Variants in TAS1R2 observed in about 807,000 individuals in gnomAD.
TAS1R2 encodes taste receptor type 1 member 2.
TAS1R2 carries 47 observed loss-of-function variants against 49.3 expected under a neutral mutation model. That is an observed-to-expected ratio of 0.95 (90% CI 0.75 to 1.22). The LOEUF (loss-of-function observed/expected upper bound fraction) is 1.22, where lower values mean the gene tolerates loss of function less well. Among genes scored for constraint, TAS1R2 ranks in the 50% most tolerant of loss-of-function variants. The pLI is 0.00. For missense variants in TAS1R2, 1,155 were observed against 1,122.1 expected (o/e 1.03, Z -0.42); for synonymous variants, 479 against 467.9 (o/e 1.02, Z -0.31).
In TAS1R2 at chr1:18,847,492, C is replaced by T. The variant is rs911875105; in HGVS notation, c.1467+1849G>A. 2.0e-5 allele frequency among the ~76,000 whole-genome samples: 3 copies of T among 152,210 alleles called. 1 individual carries two copies. In the South Asian group the frequency reaches 6.2e-4, roughly 32 times the overall value. On this transcript the variant is annotated intron_variant, in intron 4 of 5. Coordinates refer to ENST00000375371, the Ensembl canonical transcript of TAS1R2. ...CAGAAACTCACAGCATCAGGTACCT[C>T]TGCAACTGGGGATAGAGTGCTGTCG...
In TAS1R2 at chr1:18,840,241, C is replaced by T. The variant is rs753584355; in HGVS notation, c.1878G>A (p.Lys626=). The change falls in exon 6 of 6, where the codon AAG becomes AAA. Residue 626 remains lysine, a synonymous_variant. Coordinates refer to ENST00000375371, the Ensembl canonical transcript of TAS1R2. ...CCTGGCGGCAGAGGCAGGTGGAGAC[C>T]TTGGGCGGCCCCACGTACACCGGGA... 3 of 1,614,064 alleles carry T rather than the reference C, an allele frequency of 1.9e-6. No individual in the cohort carries two copies. In the Admixed American group the frequency reaches 5.0e-5, roughly 27 times the overall value.
At position 18,854,663 on chromosome 1, in the gene TAS1R2, C is replaced by G. The variant is rs202163137; in HGVS notation, c.807G>C (p.Ala269=). ...CGGGCGAGAACACGACCACGACGCG[C>G]GCTGTGCTCTGCTGCAGCTTGTCCA... Residue 269 remains alanine (A), a synonymous_variant, in exon 3 of 6, where the codon GCG becomes GCC. Coordinates refer to ENST00000375371, the Ensembl canonical transcript of TAS1R2. This position sits in a 1 kb window ranked among gnomAD's most constrained non-coding sequence, Gnocchi z 4.9. 6 of 1,614,028 alleles carry G rather than the reference C, an allele frequency of 3.7e-6. No individual in the cohort carries two copies. The highest frequency in any genetic ancestry group is 3.3e-5 in the South Asian group (3 of 91,076).
intron 4 of TAS1R2, among the ~76,000 whole-genome samples, chr1:18,845,603 T>C (rs1044177667): frequency 5.9e-5 from 9 of 152,242 alleles, no homozygotes; most frequent in African/African-American, 2.2e-4. Context: ...GGGTTCCTCA[T>C]GCCAGTGAAT....
intron 4 of TAS1R2, among the ~76,000 whole-genome samples, chr1:18,843,657 T>A (rs1933866993): frequency 6.6e-6 from 1 of 152,190 alleles, no homozygotes; most frequent in African/African-American, 2.4e-5. Context: ...TCTGATGATG[T>A]TTGAGTTATC....
rs764548657 is a variant in TAS1R2, at chr1:18,839,992, G to C, written c.2127C>G (p.Asp709Glu). The C allele has an allele frequency of 1.9e-6, 3 of 1,614,100 alleles. No individual in the cohort carries two copies. The African/African-American group carries it at 4.0e-5, about 22-fold the overall frequency. Residue 709 changes from aspartate to glutamate, a missense_variant, in exon 6 of 6, where the codon GAC (aspartate) becomes GAG (glutamate). Asp to Glu is a conservative substitution (Grantham distance 45). Transcript: ENST00000375371. ...CAATTGTGATCTTGGGGTCATCGGG[G>C]TCAGTACGGGTGGTGGGACTGAGGC...
chr1:18,858,352 T>C (rs1353579477), intron 1 of TAS1R2: 1 of 150,060 alleles, frequency 6.7e-6, no homozygotes, highest in East Asian at 2.0e-4. Flanking sequence ...ATCACCAGCA[T>C]CACTACCATC....
At chr1:18,842,880 G>A (rs537563252) in intron 4 of TAS1R2, among the ~76,000 whole-genome samples, 13 of 152,170 alleles carry the variant, frequency 8.5e-5, no homozygotes, top group Admixed American at 2.6e-4. Context: ...ACAAAAATGC[G>A]AATATACTTA....
intron 4 of TAS1R2, among the ~76,000 whole-genome samples, chr1:18,846,444 C>A (rs1933921663): frequency 6.6e-6 from 1 of 152,214 alleles, no homozygotes; most frequent in Admixed American, 6.5e-5. Context: ...GTCTCCCACT[C>A]CTGTTCCTGT....
At chr1:18,840,204 G>A (rs1417029349) in exon 6 of TAS1R2, 1 of 1,614,102 alleles carries the variant, frequency 6.2e-7, no homozygotes, top group Non-Finnish European at 8.5e-7. Context: ...GTGAAGCAGA[G>A]GGGAAAGAGG....
chr1:18,854,651 G>A lies in TAS1R2; in HGVS notation c.819C>T (p.Val273=), dbSNP rs570364874. The change falls in exon 3 of 6, where the codon GTC becomes GTT. Residue 273 remains valine (V), a synonymous_variant. Coordinates refer to ENST00000375371, the Ensembl canonical transcript of TAS1R2. The surrounding 1 kb of genome is among the most constrained non-coding windows in gnomAD (Gnocchi z 4.9). Reference sequence around the variant, plus strand: ...ACAGGGTCAGGTCGGGCGAGAACACGACCACGACGCGCGCTGTGCTCTGCT... The same window carrying A: ...ACAGGGTCAGGTCGGGCGAGAACACAACCACGACGCGCGCTGTGCTCTGCT... The A allele has an allele frequency of 2.3e-5, 37 of 1,613,990 alleles. No individual in the cohort carries two copies. The highest frequency in any genetic ancestry group is 1.2e-4 in the African/African-American group (9 of 75,060).
chr1:18,857,249 G>A (rs1359537793), intron 2 of TAS1R2, 82 bp downstream of exon 2: 1 of 1,445,760 alleles, frequency 6.9e-7, no homozygotes, highest in Non-Finnish European at 9.4e-7. Context: ...ATGATTGATG[G>A]AGGAAGTGGC....
At position 18,849,563 on chromosome 1, in the gene TAS1R2, G is replaced by A; in HGVS notation, c.1258-13C>T. On this transcript the variant is annotated splice_polypyrimidine_tract_variant and intron_variant, in intron 3 of 5. Transcript: ENST00000375371. ...TCTCCTCAAGCAGCTGGCGGGGTCA[G>A]AGGGAAGGGAAGTGGAGCTAGCATC... 1 of 1,613,682 alleles carries A rather than the reference G, an allele frequency of 6.2e-7. No individual in the cohort carries two copies. Among genetic ancestry groups the A allele is most frequent in the Non-Finnish European group, 8.5e-7 (1 of 1,179,698 alleles).
At chr1:18,843,897 G>T (rs531254809) in intron 4 of TAS1R2, among the ~76,000 whole-genome samples, 1 of 152,192 alleles carries the variant, frequency 6.6e-6, no homozygotes, top group Non-Finnish European at 1.5e-5. Context: ...TCCAAGAAGC[G>T]CCAGTGGGTC....
chr1:18,852,429 A>C (rs1459274313), intron 3 of TAS1R2, among the ~76,000 whole-genome samples: 1 of 152,226 alleles, frequency 6.6e-6, no homozygotes, highest in Non-Finnish European at 1.5e-5. Context: ...ACTTGTCTGC[A>C]CAAAAGGGCA....
intron 4 of TAS1R2, among the ~76,000 whole-genome samples, chr1:18,847,076 C>A (rs1233543506): frequency 6.6e-6 from 1 of 152,198 alleles, no homozygotes; most frequent in Non-Finnish European, 1.5e-5. Flanking sequence ...TGAGCAGATG[C>A]CAGCATCATG....
chr1:18,841,074 C>CATATTA (rs1225856996), intron 5 of TAS1R2, among the ~76,000 whole-genome samples: 1 of 152,218 alleles, frequency 6.6e-6, no homozygotes. Context: ...CTGCTAGGCA[C>CATATTA]ATATTAAATA....
In TAS1R2 at chr1:18,840,270, C is replaced by A. The variant is rs542771786; in HGVS notation, c.1849G>T (p.Val617Leu). ...GGCGGCCCCACGTACACCGGGACCA[C>A]CATGTATGCCACCAGCAGCAGTGTC... Residue 617 changes from valine to leucine, a missense_variant, in exon 6 of 6, where the codon GTG (valine) becomes TTG (leucine). By Grantham distance (32) the Val-to-Leu change is conservative. Coordinates refer to ENST00000375371, the Ensembl canonical transcript of TAS1R2. The A allele has an allele frequency of 2.0e-5, 32 of 1,614,052 alleles. No individual in the cohort carries two copies. In the South Asian group the frequency reaches 3.3e-4, roughly 17 times the overall value.
At chr1:18,856,312 T>C (rs1160977060) in intron 2 of TAS1R2, among the ~76,000 whole-genome samples, 1 of 152,086 alleles carries the variant, frequency 6.6e-6, no homozygotes, top group African/African-American at 2.4e-5. Flanking sequence ...CCCTCACTCC[T>C]TCACCTCCCT....
chr1:18,845,239 A>G (rs1258992852), intron 4 of TAS1R2, among the ~76,000 whole-genome samples: 2 of 152,198 alleles, frequency 1.3e-5, no homozygotes, highest in African/African-American at 4.8e-5. Context: ...ATCCTAACAT[A>G]TACCACATTA....
Sources: allele counts gnomAD v4.1 joint callset (sites outside exome capture counted in the v4.1 genomes callset), GRCh38; gene constraint gnomAD v4.1.1; non-coding constraint Gnocchi (gnomAD v3.1); transcripts MANE v1.5; gene names NCBI Gene and HGNC (gene_info 2026-07-23, HGNC 2026-07-21).